COL23A1: variants seen among roughly 807,000 people sequenced by gnomAD.
The protein encoded by COL23A1 is collagen type XXIII alpha 1 chain, also known as collagen alpha-1(XXIII) chain.
COL23A1 carries 97 observed loss-of-function variants against 99.3 expected under a neutral mutation model. The observed-to-expected ratio is 0.98, with a 90% CI of 0.83 to 1.16. COL23A1 has a LOEUF of 1.16. Among genes scored for constraint, COL23A1 ranks in the 50% most tolerant of loss-of-function variants. COL23A1 has a pLI of 0.00. For synonymous variants in COL23A1, 320 were observed against 308.2 expected, an observed-to-expected ratio of 1.04 and a Z score of -0.40; for missense variants, 762 against 757.4, an observed-to-expected ratio of 1.01 and a Z score of -0.07.
intron 2 of COL23A1, among the ~76,000 whole-genome samples, chr5:178,535,692 C>T (rs1420720735): frequency 5.9e-5 from 9 of 152,254 alleles, no homozygotes; most frequent in Non-Finnish European, 1.0e-4. Flanking sequence ...TGGAGGCAGA[C>T]CCATCACCCT....
intron 2 of COL23A1, among the ~76,000 whole-genome samples, chr5:178,465,555 C>T (rs973543038): frequency 2.0e-5 from 3 of 152,224 alleles, no homozygotes; most frequent in Non-Finnish European, 4.4e-5. Context: ...GACAGGCCCA[C>T]AGCACCCAGG....
intron 2 of COL23A1, among the ~76,000 whole-genome samples, chr5:178,419,596 G>T (rs2127793850): frequency 6.6e-6 from 1 of 152,322 alleles, no homozygotes; most frequent in East Asian, 1.9e-4. Context: ...CCCATGTGCT[G>T]GCCCAGTCCC....
In COL23A1 at chr5:178,571,524, T is replaced by C. The variant is rs571349729; in HGVS notation, c.295-10776A>G. On this transcript the variant is annotated intron_variant, in intron 1 of 28. Transcript: ENST00000390654. Reference sequence around the variant, plus strand: ...CAAGACCCTAAAGGACCAAACTATTTCCAGCCCAGGAATATATATACAAAT... The same window carrying C: ...CAAGACCCTAAAGGACCAAACTATTCCCAGCCCAGGAATATATATACAAAT... Among the ~76,000 whole-genome samples, 234 of 152,164 alleles carry C rather than the reference T, an allele frequency of 1.5e-3. 1 individual carries two copies. The highest frequency in any genetic ancestry group is 5.5e-3 in the African/African-American group (230 of 41,514).
chr5:178,588,732 G>A (rs1015355342), intron 1 of COL23A1, among the ~76,000 whole-genome samples: 5 of 144,694 alleles, frequency 3.5e-5, no homozygotes, highest in African/African-American at 8.6e-5. Flanking sequence ...GGTGTGGTAC[G>A]CAAGTCATCT....
At chr5:178,462,005 T>C (rs1177162794) in intron 2 of COL23A1, among the ~76,000 whole-genome samples, 1 of 152,142 alleles carries the variant, frequency 6.6e-6, no homozygotes, top group Admixed American at 6.5e-5. Context: ...GCACTGCAAA[T>C]TGGTTTTGAG....
chr5:178,292,124 C>G (rs533917671), intron 3 of COL23A1, among the ~76,000 whole-genome samples: 1 of 152,120 alleles, frequency 6.6e-6, no homozygotes, highest in Non-Finnish European at 1.5e-5. Flanking sequence ...GTACCTCCCC[C>G]GTGCCTGCGC....
chr5:178,277,905 T>C (rs1438753774), intron 5 of COL23A1, among the ~76,000 whole-genome samples: 2 of 152,160 alleles, frequency 1.3e-5, no homozygotes, highest in East Asian at 1.9e-4. Flanking sequence ...TTGACCCCCG[T>C]GGGGTGAGGG....
At chr5:178,521,394 A>C (rs1181270144) in intron 2 of COL23A1, among the ~76,000 whole-genome samples, 1 of 151,928 alleles carries the variant, frequency 6.6e-6, no homozygotes, top group East Asian at 1.9e-4. Context: ...TCTTCTAAAA[A>C]TACAAAAAAT....
intron 27 of COL23A1, among the ~76,000 whole-genome samples, chr5:178,239,585 GCC>G (rs1419524984): frequency 2.0e-4 from 26 of 133,258 alleles, no homozygotes; most frequent in African/African-American, 7.4e-4. Context: ...GTGGCTTCCT[GCC>G]TGATGTGACA....
At chr5:178,261,284 C>G (rs969349120) in intron 11 of COL23A1, among the ~76,000 whole-genome samples, 1 of 151,934 alleles carries the variant, frequency 6.6e-6, no homozygotes, top group African/African-American at 2.4e-5. Context: ...CATGGTGGCA[C>G]ACACCTGTTG....
At chr5:178,304,220 C>T (rs2913762) in intron 3 of COL23A1, among the ~76,000 whole-genome samples, 1 of 151,830 alleles carries the variant, frequency 6.6e-6, no homozygotes, top group East Asian at 2.0e-4. Flanking sequence ...CAAAAAAGAG[C>T]CTTTCTCTGT....
intron 1 of COL23A1, among the ~76,000 whole-genome samples, chr5:178,577,504 G>A (rs1232124682): frequency 1.3e-5 from 2 of 152,236 alleles, no homozygotes; most frequent in Non-Finnish European, 2.9e-5. Flanking sequence ...GGCACTCACC[G>A]AGGACAGGAC....
At chr5:178,477,990 A>G (rs6884035) in intron 2 of COL23A1, among the ~76,000 whole-genome samples, 32,728 of 152,200 alleles carry the variant, frequency 0.22, 3,943 homozygotes, top group Middle Eastern at 0.28. Context: ...TAGGCCCTTC[A>G]TGCCACCTGA....
intron 2 of COL23A1, among the ~76,000 whole-genome samples, chr5:178,501,696 C>T (rs1301052051): frequency 1.3e-5 from 2 of 152,206 alleles, no homozygotes; most frequent in East Asian, 3.9e-4. Flanking sequence ...AGAGGCTGTG[C>T]TGAGGTACGC....
chr5:178,578,276 C>A (rs1763496136), intron 1 of COL23A1, among the ~76,000 whole-genome samples: 1 of 152,196 alleles, frequency 6.6e-6, no homozygotes, highest in Admixed American at 6.5e-5. Context: ...TGTACACACA[C>A]ATGCATGCAT....
At chr5:178,352,274 A>G (rs1247473054) in intron 2 of COL23A1, 4 of 152,270 alleles carry the variant, frequency 2.6e-5, no homozygotes, top group South Asian at 2.1e-4. Context: ...AAAACACCTT[A>G]GCGCTTTGGA....
chr5:178,487,999 C>T (rs1757725781), intron 2 of COL23A1, among the ~76,000 whole-genome samples: 1 of 152,182 alleles, frequency 6.6e-6, no homozygotes. Flanking sequence ...GTTACTTAAC[C>T]TCCTTGAAAC....
chr5:178,522,794 G>C (rs77133481), intron 2 of COL23A1, among the ~76,000 whole-genome samples: 1 of 152,100 alleles, frequency 6.6e-6, no homozygotes, highest in African/African-American at 2.4e-5. Context: ...CGTGGCCTAC[G>C]GGGACTGCCA....
intron 2 of COL23A1, among the ~76,000 whole-genome samples, chr5:178,333,033 C>T (rs1760118187): frequency 6.6e-6 from 1 of 152,282 alleles, no homozygotes; most frequent in East Asian, 1.9e-4. Flanking sequence ...TCTTGGCTCA[C>T]TGTAACCTCC....
Sources: gnomAD v4.1 joint callset for allele counts (sites outside exome capture counted in the v4.1 genomes callset) on GRCh38, gnomAD v4.1.1 for gene constraint, MANE v1.5 for transcripts, NCBI Gene and HGNC (gene_info 2026-07-23, HGNC 2026-07-21) for gene names.